ALMS1: variants seen among roughly 807,000 people sequenced by gnomAD.
ALMS1 encodes the protein ALMS1 centrosome and basal body associated protein, also known as centrosome-associated protein ALMS1.
In ALMS1, 271 loss-of-function variants were observed where a neutral mutation model predicts 352.2. The observed-to-expected ratio is 0.77, with a 90% confidence interval of 0.70 to 0.85. The LOEUF (loss-of-function observed/expected upper bound fraction) is 0.85, where lower values mean the gene tolerates loss of function less well. Ranked by LOEUF, ALMS1 falls within the 40% of genes least tolerant of loss-of-function variation. The probability of loss-of-function intolerance (pLI) is 0.00; values close to 1 mark genes in which losing one functional copy is unlikely to be tolerated. For missense variants in ALMS1, 5,445 were observed against 4,870.7 expected (o/e 1.12, Z -3.51); for synonymous variants, 1,865 against 1,761.2 (o/e 1.06, Z -1.48).
At chr2:73,395,402 C>T (rs1338323486) in intron 1 of ALMS1, among the ~76,000 whole-genome samples, 1 of 151,866 alleles carries the variant, frequency 6.6e-6, no homozygotes. Flanking sequence ...TATAGGACCA[C>T]CATTATGTAT....
chr2:73,408,837 A>G (rs934828989), intron 2 of ALMS1, 90 bp downstream of exon 2: 8 of 1,035,864 alleles, frequency 7.7e-6, no homozygotes, highest in East Asian at 3.2e-5. Flanking sequence ...AAATAAATTA[A>G]TATTCATTAA....
chr2:73,415,303 C>A (rs866317757), intron 2 of ALMS1, among the ~76,000 whole-genome samples: 2 of 152,124 alleles, frequency 1.3e-5, no homozygotes, highest in South Asian at 4.1e-4. Flanking sequence ...TTTAAAAATT[C>A]AGTTTATAAT....
At chr2:73,547,613 T>C (rs1278894240) in intron 12 of ALMS1, among the ~76,000 whole-genome samples, 2 of 152,112 alleles carry the variant, frequency 1.3e-5, no homozygotes, top group Non-Finnish European at 2.9e-5. Context: ...TAGTGATGGG[T>C]AGATATGGTT....
intron 3 of ALMS1, among the ~76,000 whole-genome samples, chr2:73,421,245 A>G (rs1671278216): frequency 6.6e-6 from 1 of 152,100 alleles, no homozygotes; most frequent in Non-Finnish European, 1.5e-5. Context: ...GGTACTGAGG[A>G]TTTCTGTAGG....
chr2:73,452,960 C>G lies in ALMS1; in HGVS notation c.6433C>G (p.Arg2145Gly), dbSNP rs770558150. ...PTALPSSFSH[R>G]EKPDIFYQKD... ...AGCTCTTCCTAGTTCCTTTTCACAT[C>G]GAGAGAAACCAGATATTTTCTATCA... Residue 2145 changes from arginine to glycine, a missense_variant, in exon 8 of 23, where the codon CGA becomes GGA. Transcript: ENST00000613296. 2.5e-6 allele frequency: 4 copies of G among 1,612,412 alleles called. No homozygotes were observed. Among genetic ancestry groups the G allele is most frequent in the South Asian group, 2.2e-5 (2 of 90,956 alleles).
In ALMS1 at chr2:73,573,213, G is replaced by A. The variant is rs1674981958; in HGVS notation, c.11336G>A (p.Ser3779Asn). Residue 3779 changes from serine to asparagine, a missense_variant, in exon 16 of 23, where the codon AGT becomes AAT. Ser to Asn is a conservative substitution (Grantham distance 46, BLOSUM62 1). Transcript: ENST00000613296. Reference protein sequence around the residue: ...TDREVALHERSSSVSTIDTAR... With the variant: ...TDREVALHERNSSVSTIDTAR... Reference sequence around the variant, plus strand: ...AGAGAGGTGGCTCTGCACGAAAGGAGTAGCTCTGTTTCCACTATTGACACT... The same window carrying A: ...AGAGAGGTGGCTCTGCACGAAAGGAATAGCTCTGTTTCCACTATTGACACT... 1 of 1,612,918 alleles carries A rather than the reference G, an allele frequency of 6.2e-7. No individual in the cohort carries two copies. The highest frequency in any genetic ancestry group is 1.3e-5 in the African/African-American group (1 of 74,858).
chr2:73,439,022 T>C (rs1415095967), intron 7 of ALMS1, among the ~76,000 whole-genome samples: 4 of 151,664 alleles, frequency 2.6e-5, no homozygotes, highest in Non-Finnish European at 5.9e-5. Flanking sequence ...TCCTCCTCCT[T>C]TTTTTCTTCT....
At chr2:73,500,744 G>T (rs907346136) in intron 10 of ALMS1, among the ~76,000 whole-genome samples, 1 of 151,782 alleles carries the variant, frequency 6.6e-6, no homozygotes, top group African/African-American at 2.4e-5. Flanking sequence ...GCCAAGGAAT[G>T]ACAGAGGAAA....
chr2:73,463,836 G>GA (rs1672263605), intron 9 of ALMS1, among the ~76,000 whole-genome samples: 1 of 148,370 alleles, frequency 6.7e-6, no homozygotes, highest in Non-Finnish European at 1.5e-5. Flanking sequence ...AAATAAACTA[G>GA]AAAATCTAGA....
At position 73,602,248 on chromosome 2, in the gene ALMS1, A is replaced by G; in HGVS notation, c.12178A>G (p.Lys4060Glu). ...CTCTGGGGAGCGGATAAAGCGCCTGAAGTTAATAGTCCAGGAGAGGAAGCT... is the reference window on the plus strand; with the variant it reads ...CTCTGGGGAGCGGATAAAGCGCCTGGAGTTAATAGTCCAGGAGAGGAAGCT... ...SRSGERIKRL[K>E]LIVQERKLQS... The change falls in exon 20 of 23, where the codon AAG becomes GAG. Residue 4060 changes from lysine to glutamate, a missense_variant. By Grantham distance (56) the Lys-to-Glu change is moderately conservative. Coordinates refer to ENST00000613296, the MANE Select transcript of ALMS1 (RefSeq NM_001378454.1). 6.2e-7 allele frequency: 1 copy of G among 1,614,120 alleles called. No homozygotes were observed. The highest frequency in any genetic ancestry group is 8.5e-7 in the Non-Finnish European group (1 of 1,180,018).
intron 1 of ALMS1, among the ~76,000 whole-genome samples, chr2:73,399,087 G>T (rs181507720): frequency 6.6e-6 from 1 of 152,222 alleles, no homozygotes; most frequent in East Asian, 1.9e-4. Context: ...TCCTGACCTT[G>T]TGATCTGCCC....
intron 13 of ALMS1, among the ~76,000 whole-genome samples, chr2:73,555,670 C>G (rs545929312): frequency 1.3e-5 from 2 of 152,148 alleles, no homozygotes; most frequent in African/African-American, 4.8e-5. Flanking sequence ...CATGAAACAG[C>G]CTGGGAGAAG....
intron 9 of ALMS1, among the ~76,000 whole-genome samples, chr2:73,488,138 CTGTCTGCCA>C (rs1672894690): frequency 6.6e-6 from 1 of 152,124 alleles, no homozygotes; most frequent in Non-Finnish European, 1.5e-5. Flanking sequence ...GCCCAGGAGC[CTGTCTGCCA>C]TCTCTGCCAT....
At chr2:73,393,431 A>G (rs1033963358) in intron 1 of ALMS1, among the ~76,000 whole-genome samples, 28 of 152,184 alleles carry the variant, frequency 1.8e-4, no homozygotes, top group African/African-American at 6.3e-4. Context: ...GTAAATTTAT[A>G]GAGTTCAAGT....
chr2:73,544,009 T>G (rs1023206870), intron 12 of ALMS1, among the ~76,000 whole-genome samples: 1 of 152,100 alleles, frequency 6.6e-6, no homozygotes, highest in African/African-American at 2.4e-5. Flanking sequence ...GCCATTCCAT[T>G]AACTGGGTAT....
chr2:73,507,196 G>T (rs1673345324), intron 10 of ALMS1, among the ~76,000 whole-genome samples: 1 of 152,048 alleles, frequency 6.6e-6, no homozygotes, highest in Non-Finnish European at 1.5e-5. Context: ...TTTTATTGAG[G>T]ATTTTTGCAT....
At chr2:73,562,630 G>C (rs1000909339) in intron 15 of ALMS1, among the ~76,000 whole-genome samples, 3 of 152,184 alleles carry the variant, frequency 2.0e-5, no homozygotes. Flanking sequence ...GCTCATGCCT[G>C]TAATTCCAGC....
chr2:73,410,559 T>G (rs930102198), intron 2 of ALMS1, among the ~76,000 whole-genome samples: 2 of 152,220 alleles, frequency 1.3e-5, no homozygotes, highest in African/African-American at 4.8e-5. Flanking sequence ...GCTCTGCATT[T>G]CATTTGTTGG....
chr2:73,466,887 A>T (rs900147768), intron 9 of ALMS1, among the ~76,000 whole-genome samples: 1 of 152,042 alleles, frequency 6.6e-6, no homozygotes, highest in Non-Finnish European at 1.5e-5. Flanking sequence ...AATGGAGTTA[A>T]TTTTTTCCAA....
Sources: allele counts gnomAD v4.1 joint callset (sites outside exome capture counted in the v4.1 genomes callset), GRCh38; gene constraint gnomAD v4.1.1; transcripts MANE v1.5; gene names NCBI Gene and HGNC (gene_info 2026-07-23, HGNC 2026-07-21).